The following IL1RAP variants were observed in gnomAD, a reference collection of about 807,000 sequenced individuals.
IL1RAP encodes interleukin-1 receptor accessory protein.
In IL1RAP, 35 loss-of-function variants were observed where a neutral mutation model predicts 60.7. That is an observed-to-expected ratio of 0.58 (90% CI 0.44 to 0.76). The LOEUF (loss-of-function observed/expected upper bound fraction) is 0.76, where lower values mean the gene tolerates loss of function less well. Ranked by LOEUF, IL1RAP falls within the 30% of genes least tolerant of loss-of-function variation. The pLI is 0.00. For missense variants in IL1RAP, 572 were observed against 693.9 expected (o/e 0.82, Z 1.97); for synonymous variants, 268 against 250.9 (o/e 1.07, Z -0.64).
At chr3:190,586,353 A>G (rs1004508127) in intron 3 of IL1RAP, among the ~76,000 whole-genome samples, 48 of 152,174 alleles carry the variant, frequency 3.2e-4, no homozygotes, top group African/African-American at 1.1e-3. Flanking sequence ...GTTTTCACTG[A>G]GGGTTTATTG....
At chr3:190,547,539 T>C (rs190355519) in intron 1 of IL1RAP, among the ~76,000 whole-genome samples, 2 of 152,330 alleles carry the variant, frequency 1.3e-5, no homozygotes, top group African/African-American at 4.8e-5. Context: ...TTTTGGCTTA[T>C]ATGAGTTCCC....
chr3:190,627,513 G>A, intron 8 of IL1RAP, 64 bp downstream of exon 8: 1 of 1,517,580 alleles, frequency 6.6e-7, no homozygotes, highest in Non-Finnish European at 8.8e-7. Flanking sequence ...TCTCTGATGT[G>A]TGTTCTAGTC....
chr3:190,651,907 G>T (rs1734418456), downstream of IL1RAP, among the ~76,000 whole-genome samples: 1 of 152,202 alleles, frequency 6.6e-6, no homozygotes, highest in Admixed American at 6.5e-5. Context: ...AGGAAAACAA[G>T]CTTATTCCTT....
intron 3 of IL1RAP, among the ~76,000 whole-genome samples, chr3:190,601,480 CATTTGTT>C (rs1173736869): frequency 6.6e-6 from 1 of 152,124 alleles, no homozygotes; most frequent in Non-Finnish European, 1.5e-5. Context: ...AACAAATAGT[CATTTGTT>C]GAGTCTTGGA....
chr3:190,629,623 A>G, intron 9 of IL1RAP, 125 bp downstream of exon 9: 1 of 1,411,994 alleles, frequency 7.1e-7, no homozygotes, highest in East Asian at 2.6e-5. Flanking sequence ...AACCCATAGT[A>G]ATGAATCAAA....
At chr3:190,595,228 G>A (rs1577685183) in intron 3 of IL1RAP, among the ~76,000 whole-genome samples, 1 of 152,244 alleles carries the variant, frequency 6.6e-6, no homozygotes, top group Non-Finnish European at 1.5e-5. Context: ...GGCACATGAC[G>A]GAATGCTCAG....
At chr3:190,537,933 A>G (rs1253175007) in intron 1 of IL1RAP, among the ~76,000 whole-genome samples, 2 of 151,920 alleles carry the variant, frequency 1.3e-5, no homozygotes, top group African/African-American at 4.8e-5. Context: ...TAAATATCTC[A>G]TGTACTTTTC....
At chr3:190,645,367 T>G (rs1299433493) in intron 10 of IL1RAP, among the ~76,000 whole-genome samples, 2 of 152,222 alleles carry the variant, frequency 1.3e-5, no homozygotes, top group Non-Finnish European at 2.9e-5. Flanking sequence ...GTGATAGGCT[T>G]GGACAGGAAG....
chr3:190,549,167 T>C (rs931550706), intron 1 of IL1RAP, among the ~76,000 whole-genome samples: 1 of 152,106 alleles, frequency 6.6e-6, no homozygotes, highest in African/African-American at 2.4e-5. Context: ...GCCTCACAGA[T>C]TGAACCCCTG....
chr3:190,528,520 G>A (rs1722702005), intron 1 of IL1RAP, among the ~76,000 whole-genome samples: 1 of 152,176 alleles, frequency 6.6e-6, no homozygotes, highest in Admixed American at 6.5e-5. Context: ...AATAAAAAGG[G>A]AGGCTTGGTA....
intron 1 of IL1RAP, among the ~76,000 whole-genome samples, chr3:190,555,266 G>A (rs531546038): frequency 5.6e-4 from 85 of 151,690 alleles, no homozygotes; most frequent in African/African-American, 2.0e-3. Context: ...TTCAAATGGC[G>A]TCACATTGCC....
chr3:190,572,855 C>CTTTTT (rs1337681913), intron 3 of IL1RAP, among the ~76,000 whole-genome samples: 38 of 57,592 alleles, frequency 6.6e-4, no homozygotes, highest in South Asian at 2.7e-3. Flanking sequence ...AGGGTTAATG[C>CTTTTT]TTTGTTTTTT....
At chr3:190,593,296 G>A (rs931438528) in intron 3 of IL1RAP, among the ~76,000 whole-genome samples, 4 of 152,058 alleles carry the variant, frequency 2.6e-5, no homozygotes, top group Non-Finnish European at 4.4e-5. Context: ...ATGAGGATGC[G>A]TGATGGATGC....
At chr3:190,627,819 G>T (rs1307557255) in intron 8 of IL1RAP, among the ~76,000 whole-genome samples, 1 of 152,136 alleles carries the variant, frequency 6.6e-6, no homozygotes, top group Non-Finnish European at 1.5e-5. Flanking sequence ...TCACAATCAA[G>T]GGTTGTGGGT....
intron 3 of IL1RAP, among the ~76,000 whole-genome samples, chr3:190,566,213 T>C (rs1726383702): frequency 6.6e-6 from 1 of 152,176 alleles, no homozygotes; most frequent in Admixed American, 6.6e-5. Flanking sequence ...AGATGCTCAA[T>C]ACATAGGTGT....
intron 3 of IL1RAP, among the ~76,000 whole-genome samples, chr3:190,588,097 G>C (rs1315617575): frequency 6.6e-6 from 1 of 152,062 alleles, no homozygotes; most frequent in African/African-American, 2.4e-5. Context: ...GAGATAAAAA[G>C]GTCTCTTACA....
intron 1 of IL1RAP, among the ~76,000 whole-genome samples, chr3:190,544,360 G>C (rs1467488873): frequency 1.1e-4 from 16 of 152,196 alleles, no homozygotes; most frequent in Admixed American, 1.0e-3. Context: ...GTGGAGCATA[G>C]CATTATCATA....
At chr3:190,587,538 A>G (rs1315558478) in intron 3 of IL1RAP, among the ~76,000 whole-genome samples, 3 of 152,242 alleles carry the variant, frequency 2.0e-5, no homozygotes, top group Non-Finnish European at 2.9e-5. Flanking sequence ...TTTGTTCTCC[A>G]TAGGGTATAC....
chr3:190,550,627 C>T (rs935371413), intron 1 of IL1RAP: 1 of 152,204 alleles, frequency 6.6e-6, no homozygotes, highest in Middle Eastern at 3.2e-3. Context: ...ATTCCCATCA[C>T]CTGGCAGAAT....
Sources: gnomAD v4.1 joint callset for allele counts (sites outside exome capture counted in the v4.1 genomes callset) on GRCh38, gnomAD v4.1.1 for gene constraint, MANE v1.5 for transcripts, NCBI Gene and HGNC (gene_info 2026-07-23, HGNC 2026-07-21) for gene names.